The following TMEM123 variants were observed in gnomAD, a reference collection of about 807,000 sequenced individuals.
TMEM123 encodes transmembrane protein 123, also known as porimin.
A neutral mutation model predicts 19.7 loss-of-function variants in TMEM123; 16 were observed. That is an observed-to-expected ratio of 0.81 (90% confidence interval 0.55 to 1.23). The LOEUF (loss-of-function observed/expected upper bound fraction) is 1.23. TMEM123 is among the 50% of genes most tolerant of loss of function. The probability of loss-of-function intolerance (pLI) is 0.00; values close to 1 mark genes in which losing one functional copy is unlikely to be tolerated. For missense variants in TMEM123, 313 were observed against 257.8 expected (o/e 1.21, Z -1.47); for synonymous variants, 118 against 99.4 (o/e 1.19, Z -1.12).
chr11:102,406,073 G>A (rs1482975502), intron 2 of TMEM123, among the ~76,000 whole-genome samples: 1 of 152,118 alleles, frequency 6.6e-6, no homozygotes, highest in East Asian at 1.9e-4. Context: ...AATGCTGACT[G>A]GCACCTCTAG....
intron 2 of TMEM123, among the ~76,000 whole-genome samples, chr11:102,412,116 A>G (rs946392746): frequency 6.6e-6 from 1 of 152,182 alleles, no homozygotes; most frequent in African/African-American, 2.4e-5. Context: ...CAGTCTATAC[A>G]TCATATTAAA....
intron 2 of TMEM123, among the ~76,000 whole-genome samples, chr11:102,407,075 C>G (rs1951962370): frequency 6.6e-6 from 1 of 152,050 alleles, no homozygotes; most frequent in Non-Finnish European, 1.5e-5. Context: ...GCACCTGTGC[C>G]AAATGAAAAC....
chr11:102,440,240 AT>A (rs756361234), intron 2 of TMEM123, among the ~76,000 whole-genome samples: 32 of 152,220 alleles, frequency 2.1e-4, no homozygotes, highest in Admixed American at 6.5e-4. Flanking sequence ...TCCAGGACAC[AT>A]AATTGTCAGA....
chr11:102,412,975 T>A (rs1480935638), intron 2 of TMEM123, among the ~76,000 whole-genome samples: 2 of 152,202 alleles, frequency 1.3e-5, no homozygotes, highest in African/African-American at 4.8e-5. Context: ...ATTTCTCAAT[T>A]ATTGATAAAG....
intron 2 of TMEM123, among the ~76,000 whole-genome samples, chr11:102,406,925 G>A (rs553239378): frequency 1.3e-5 from 2 of 151,834 alleles, no homozygotes; most frequent in South Asian, 4.2e-4. Context: ...AGAGGGGGAG[G>A]TCACCAGTAG....
chr11:102,448,705 G>A (rs567683728), intron 2 of TMEM123, 107 bp downstream of exon 2: 1 of 1,037,826 alleles, frequency 9.6e-7, no homozygotes, highest in Non-Finnish European at 1.5e-6. Flanking sequence ...GAAGAACTCA[G>A]GGTTAAAACA....
At chr11:102,401,367 T>C (rs966734861) in intron 4 of TMEM123, among the ~76,000 whole-genome samples, 172 bp downstream of exon 4, 1 of 152,212 alleles carries the variant, frequency 6.6e-6, no homozygotes, top group South Asian at 2.1e-4. Context: ...ATAATTATAA[T>C]CACAAGCTTG....
At chr11:102,406,894 T>C (rs1483056140) in intron 2 of TMEM123, among the ~76,000 whole-genome samples, 2 of 147,386 alleles carry the variant, frequency 1.4e-5, no homozygotes, top group African/African-American at 2.5e-5. Flanking sequence ...AAAGATAGCT[T>C]CCCAAGAGAG....
chr11:102,439,316 G>A (rs935076159), intron 2 of TMEM123, among the ~76,000 whole-genome samples: 7 of 151,898 alleles, frequency 4.6e-5, no homozygotes, highest in Non-Finnish European at 8.8e-5. Flanking sequence ...CCTGACCCCC[G>A]AGAAGCCTAA....
rs73591506 is a variant in TMEM123 at position 102,396,698 on chromosome 11, A to G, written c.*2169T>C. ...ACCATTTCCCTCAATTTTTATAGAT[A>G]ACAACAACAAAAAAACCTACATTCA... On this transcript the variant is annotated 3_prime_UTR_variant, in exon 5 of 5. Transcript: ENST00000398136. 4.0e-3 allele frequency: 612 copies of G among 152,008 alleles called. 5 individuals are homozygous for G. Among genetic ancestry groups the G allele is most frequent in the African/African-American group, 0.014 (583 of 41,564 alleles). 9.4% of individuals were successfully genotyped at this position (152,008 alleles called of 1,614,324 possible).
chr11:102,436,014 T>C (rs947563753), intron 2 of TMEM123, among the ~76,000 whole-genome samples: 1 of 151,682 alleles, frequency 6.6e-6, no homozygotes, highest in Admixed American at 6.6e-5. Context: ...TGAAATGGGG[T>C]GTGTGATTAT....
chr11:102,426,791 C>T (rs897786978), intron 2 of TMEM123, among the ~76,000 whole-genome samples: 4 of 125,530 alleles, frequency 3.2e-5, no homozygotes, highest in African/African-American at 9.0e-5. Context: ...ACAATGAAAG[C>T]AAATTTACTT....
Position 102,398,904 on chromosome 11 carries a change from A to C in TMEM123, c.603-13T>G, listed in dbSNP as rs752597702. The C allele has an allele frequency of 6.2e-7, 1 of 1,604,524 alleles. No individual in the cohort carries two copies. On this transcript the variant is annotated splice_polypyrimidine_tract_variant and intron_variant, in intron 4 of 4. Coordinates refer to ENST00000398136, the MANE Select transcript of TMEM123 (RefSeq NM_052932.3). ...ATCATGTTCATCTCTGTAATATATT[A>C]AAAGTTACAATTACTTTGTTTTGTT...
Position 102,402,262 on chromosome 11 carries a change from C to A in TMEM123, c.158-56G>T, listed in dbSNP as rs1951920949. ...GAGCTATGATTTAGGGAATAAGATC[C>A]CATTTCACTGAGACTTTCATGGTCA... is the stretch of plus-strand genomic sequence containing the variant. On this transcript the variant is annotated intron_variant, in intron 2 of 4. Transcript: ENST00000398136. 6.5e-6 allele frequency: 10 copies of A among 1,547,564 alleles called. No homozygotes were observed. The Admixed American group carries it at 1.3e-4, about 20-fold the overall frequency.
intron 4 of TMEM123, among the ~76,000 whole-genome samples, chr11:102,400,472 G>T (rs765667475): frequency 7.2e-5 from 11 of 152,060 alleles, no homozygotes; most frequent in Non-Finnish European, 1.5e-4. Flanking sequence ...TGTGTGTGTG[G>T]GACACATGTA....
At chr11:102,407,739 C>T (rs1951968390) in intron 2 of TMEM123, among the ~76,000 whole-genome samples, 1 of 152,110 alleles carries the variant, frequency 6.6e-6, no homozygotes. Flanking sequence ...CGCCAGAAGC[C>T]AGAGGAGAGG....
At chr11:102,406,023 A>C (rs772786451) in intron 2 of TMEM123, among the ~76,000 whole-genome samples, 8 of 152,170 alleles carry the variant, frequency 5.3e-5, no homozygotes, top group Non-Finnish European at 1.2e-4. Context: ...AAATGATACC[A>C]TCCCAACTCT....
At chr11:102,418,465 G>T (rs533498168) in intron 2 of TMEM123, among the ~76,000 whole-genome samples, 2 of 152,106 alleles carry the variant, frequency 1.3e-5, no homozygotes, top group Admixed American at 1.3e-4. Flanking sequence ...AAACCACAGT[G>T]AGAAAGCATC....
intron 1 of TMEM123, among the ~76,000 whole-genome samples, chr11:102,451,427 CA>C (rs1167632935): frequency 1.3e-5 from 2 of 152,164 alleles, no homozygotes; most frequent in Non-Finnish European, 2.9e-5. Context: ...AAAACTTCAG[CA>C]AAACAAAGAA....
Sources: gnomAD v4.1 joint callset for allele counts (sites outside exome capture counted in the v4.1 genomes callset) on GRCh38, gnomAD v4.1.1 for gene constraint, MANE v1.5 for transcripts, NCBI Gene and HGNC (gene_info 2026-07-23, HGNC 2026-07-21) for gene names.